The following TBPL2 variants were observed in gnomAD, a reference collection of about 807,000 sequenced individuals.
TBPL2 encodes TATA box-binding protein-like 2.
Under a neutral mutation model 38.2 loss-of-function variants are expected in TBPL2, and 40 were observed. The observed-to-expected ratio is 1.05, with a 90% CI of 0.81 to 1.36. TBPL2 has a LOEUF of 1.36. Ranked by LOEUF, TBPL2 falls within the 40% of genes most tolerant of loss-of-function variation. TBPL2 has a pLI of 0.00. For missense variants in TBPL2, 461 were observed against 456.7 expected (o/e 1.01, Z -0.09); for synonymous variants, 169 against 171.7 (o/e 0.98, Z 0.12).
At chr14:55,435,988 A>G in intron 2 of TBPL2, 54 bp from the exon 3 acceptor site, 1 of 1,172,864 alleles carries the variant, frequency 8.5e-7, no homozygotes, top group Middle Eastern at 2.1e-4. Flanking sequence ...AGTAAAAAAA[A>G]AAAAAGACAA....
At chr14:55,417,837 G>T (rs932651484) in intron 6 of TBPL2, among the ~76,000 whole-genome samples, 34 of 152,188 alleles carry the variant, frequency 2.2e-4, no homozygotes, top group Non-Finnish European at 4.7e-4. Flanking sequence ...GGTGAAAATT[G>T]TGTGGCCTGG....
chr14:55,416,726 T>G (rs1455569186), intron 6 of TBPL2, among the ~76,000 whole-genome samples: 2 of 152,218 alleles, frequency 1.3e-5, no homozygotes, highest in African/African-American at 4.8e-5. Flanking sequence ...ATGGACTTTT[T>G]GGGCTTCTAG....
chr14:55,438,095 G>C (rs1022765074), intron 1 of TBPL2, among the ~76,000 whole-genome samples: 2 of 152,078 alleles, frequency 1.3e-5, no homozygotes, highest in African/African-American at 2.4e-5. Flanking sequence ...CTCAAGTTAC[G>C]GGCCTGGACT....
intron 5 of TBPL2, among the ~76,000 whole-genome samples, chr14:55,425,902 A>G (rs1436224511): frequency 2.0e-5 from 3 of 152,240 alleles, no homozygotes; most frequent in Non-Finnish European, 4.4e-5. Context: ...TCATCCTAGC[A>G]TCTGCTACAT....
intron 3 of TBPL2, among the ~76,000 whole-genome samples, chr14:55,434,215 A>G (rs192939009): frequency 6.6e-6 from 1 of 152,230 alleles, no homozygotes; most frequent in Non-Finnish European, 1.5e-5. Context: ...AATGCAGAAG[A>G]GTCTGTATGA....
intron 6 of TBPL2, among the ~76,000 whole-genome samples, chr14:55,417,722 A>C (rs573459206): frequency 1.3e-5 from 2 of 152,282 alleles, no homozygotes; most frequent in Admixed American, 6.5e-5. Context: ...TTGGCCTCCC[A>C]AAGTGCTGGT....
chr14:55,426,740 A>G (rs1286108657), intron 5 of TBPL2, among the ~76,000 whole-genome samples: 1 of 152,110 alleles, frequency 6.6e-6, no homozygotes, highest in Non-Finnish European at 1.5e-5. Flanking sequence ...AAGAAAAGAA[A>G]AGATGACTGA....
chr14:55,428,723 C>A, intron 5 of TBPL2, 84 bp downstream of exon 5: 1 of 1,370,624 alleles, frequency 7.3e-7, no homozygotes, highest in Non-Finnish European at 9.9e-7. Flanking sequence ...CACAATTTCT[C>A]TGAAAGATAC....
chr14:55,418,399 CAA>C (rs1220158192), intron 6 of TBPL2, among the ~76,000 whole-genome samples: 1 of 152,228 alleles, frequency 6.6e-6, no homozygotes, highest in Non-Finnish European at 1.5e-5. Flanking sequence ...GTTCTTACAT[CAA>C]GTCATAACTG....
Position 55,432,442 on chromosome 14 carries a change from A to AACAACAAAAAAAC in TBPL2, c.788+1187_788+1188insGTTTTTTTGTTGT, listed in dbSNP as rs1555344431. Among the ~76,000 whole-genome samples, 901 of 149,162 alleles carry AACAACAAAAAAAC rather than the reference A, an allele frequency of 6.0e-3. 13 individuals are homozygous for AACAACAAAAAAAC. Among genetic ancestry groups the AACAACAAAAAAAC allele is most frequent in the African/African-American group, 0.022 (865 of 39,976 alleles). ...AAAAAAAAACAACAAATAAACAAACAACAAAAAAAACACCATAAAATACCA... is the reference window on the plus strand; with the variant it reads ...AAAAAAAAACAACAAATAAACAAACAACAACAAAAAAACACAAAAAAAACACCATAAAATACCA... On this transcript the variant is annotated intron_variant, in intron 4 of 6. Transcript: ENST00000247219.
chr14:55,428,117 A>ATTTT (rs1420262023), intron 5 of TBPL2, among the ~76,000 whole-genome samples: 3 of 48,332 alleles, frequency 6.2e-5, no homozygotes, highest in East Asian at 1.7e-3. Flanking sequence ...CACATGCCTT[A>ATTTT]TCTTTTTTTT....
At chr14:55,436,956 T>A (rs777252068) in exon 2 of TBPL2, 1 of 1,614,216 alleles carries the variant, frequency 6.2e-7, no homozygotes, top group Non-Finnish European at 8.5e-7. Context: ...ATGCATTCAG[T>A]ATGTACATAT....
At chr14:55,426,195 G>C (rs1328511879) in intron 5 of TBPL2, among the ~76,000 whole-genome samples, 1 of 151,792 alleles carries the variant, frequency 6.6e-6, no homozygotes, top group Non-Finnish European at 1.5e-5. Context: ...TGAACCCTGG[G>C]GGGTGGAGGT....
intron 3 of TBPL2, among the ~76,000 whole-genome samples, chr14:55,434,936 C>T (rs1004283991): frequency 6.6e-6 from 1 of 152,168 alleles, no homozygotes; most frequent in African/African-American, 2.4e-5. Flanking sequence ...CTTTGTACTC[C>T]TAAGTACAGA....
At chr14:55,425,051 A>C (rs1462573675) in intron 5 of TBPL2, among the ~76,000 whole-genome samples, 1 of 152,274 alleles carries the variant, frequency 6.6e-6, no homozygotes, top group East Asian at 1.9e-4. Flanking sequence ...TTTGCACTTA[A>C]AGGGTGAATC....
intron 6 of TBPL2, among the ~76,000 whole-genome samples, chr14:55,422,412 A>AT (rs554526524): frequency 3.1e-4 from 47 of 150,048 alleles, no homozygotes; most frequent in African/African-American, 5.6e-4. Flanking sequence ...TGCCCAGCTA[A>AT]TTTTTTTTTT....
chr14:55,427,817 C>T (rs982535847), intron 5 of TBPL2, among the ~76,000 whole-genome samples: 2 of 142,608 alleles, frequency 1.4e-5, no homozygotes, highest in Admixed American at 6.8e-5. Context: ...CATTGTGTTG[C>T]GGGCTGCAGC....
chr14:55,424,071 C>A, intron 6 of TBPL2, 88 bp downstream of exon 6: 1 of 877,354 alleles, frequency 1.1e-6, no homozygotes, highest in South Asian at 1.8e-5. Context: ...ATTACTTTAC[C>A]ATGGTGAACA....
chr14:55,418,174 T>G (rs1885694439), intron 6 of TBPL2, among the ~76,000 whole-genome samples: 1 of 152,216 alleles, frequency 6.6e-6, no homozygotes, highest in African/African-American at 2.4e-5. Context: ...TGTAATTTAT[T>G]TATGTCTGTC....
Sources: gnomAD v4.1 joint callset for allele counts (sites outside exome capture counted in the v4.1 genomes callset) on GRCh38, gnomAD v4.1.1 for gene constraint, MANE v1.5 for transcripts, NCBI Gene and HGNC (gene_info 2026-07-23, HGNC 2026-07-21) for gene names.